The following SH3RF3 variants were observed in gnomAD, a reference collection of about 807,000 sequenced individuals.
SH3RF3 encodes SH3 domain containing ring finger 3.
Under a neutral mutation model 66.3 loss-of-function variants are expected in SH3RF3, and 29 were observed. The ratio of observed to expected loss-of-function variants is 0.44; its 90% CI spans 0.33 to 0.60. SH3RF3 has a LOEUF of 0.60. Ranked by LOEUF, SH3RF3 falls within the 20% of genes least tolerant of loss-of-function variation. The pLI, the probability that SH3RF3 is intolerant of heterozygous loss-of-function variation, is 0.04. For synonymous variants in SH3RF3, 583 were observed against 532.0 expected, an observed-to-expected ratio of 1.10 and a Z score of -1.32; for missense variants, 1,194 against 1,190.9, an observed-to-expected ratio of 1.00 and a Z score of -0.04.
chr2:109,373,341 A>C (rs1447982044), intron 3 of SH3RF3, among the ~76,000 whole-genome samples: 2 of 152,244 alleles, frequency 1.3e-5, no homozygotes, highest in Non-Finnish European at 2.9e-5. Flanking sequence ...TTACTGGGAT[A>C]CCCAACATAT....
At chr2:109,297,437 T>G (rs1448294791) in intron 1 of SH3RF3, among the ~76,000 whole-genome samples, 4 of 152,076 alleles carry the variant, frequency 2.6e-5, no homozygotes, top group Admixed American at 2.0e-4. Flanking sequence ...GTACCCACCC[T>G]GGGCATACCT....
intron 2 of SH3RF3, among the ~76,000 whole-genome samples, chr2:109,369,957 G>T (rs1039733685): frequency 6.6e-6 from 1 of 152,200 alleles, no homozygotes; most frequent in Non-Finnish European, 1.5e-5. Flanking sequence ...CAGCTCTGAG[G>T]GGCTTCTCCA....
At chr2:109,197,217 A>C (rs2105047189) in intron 1 of SH3RF3, among the ~76,000 whole-genome samples, 1 of 152,278 alleles carries the variant, frequency 6.6e-6, no homozygotes, top group Admixed American at 6.5e-5. Flanking sequence ...AACTCACTGC[A>C]GAATCTCAGG....
intron 1 of SH3RF3, among the ~76,000 whole-genome samples, chr2:109,326,112 C>T (rs1053794739): frequency 3.3e-5 from 5 of 152,366 alleles, no homozygotes; most frequent in Non-Finnish European, 5.9e-5. Context: ...TTTAAGGACA[C>T]ACACGTATGT....
At chr2:109,202,554 C>A (rs1386436958) in intron 1 of SH3RF3, among the ~76,000 whole-genome samples, 1 of 152,220 alleles carries the variant, frequency 6.6e-6, no homozygotes, top group Non-Finnish European at 1.5e-5. Context: ...CCTTCCCCTC[C>A]CAGCAGTCAG....
At chr2:109,364,279 C>T (rs946471416) in intron 2 of SH3RF3, among the ~76,000 whole-genome samples, 24 of 151,924 alleles carry the variant, frequency 1.6e-4, no homozygotes, top group Non-Finnish European at 3.4e-4. Context: ...ATAAGCACGT[C>T]GAAGGCATTC....
intron 2 of SH3RF3, among the ~76,000 whole-genome samples, chr2:109,356,617 A>G (rs549140916): frequency 2.0e-5 from 3 of 152,254 alleles, no homozygotes; most frequent in East Asian, 3.9e-4. Flanking sequence ...AGGGCTTGGC[A>G]CTTAGGAGAT....
chr2:109,273,253 A>G (rs942715645), intron 1 of SH3RF3, among the ~76,000 whole-genome samples: 2 of 152,224 alleles, frequency 1.3e-5, no homozygotes, highest in Non-Finnish European at 2.9e-5. Context: ...CCAGGCTGGG[A>G]AGGCACATGT....
At chr2:109,227,220 G>C (rs1679392775) in intron 1 of SH3RF3, among the ~76,000 whole-genome samples, 1 of 152,156 alleles carries the variant, frequency 6.6e-6, no homozygotes, top group Non-Finnish European at 1.5e-5. Flanking sequence ...TCCCACCCAG[G>C]CCTCAGGGGC....
At chr2:109,401,556 T>C (rs1053815658) in intron 4 of SH3RF3, among the ~76,000 whole-genome samples, 4 of 152,188 alleles carry the variant, frequency 2.6e-5, no homozygotes, top group African/African-American at 9.7e-5. Flanking sequence ...GTGAGTAATA[T>C]GTCCAAAGCT....
intron 1 of SH3RF3, among the ~76,000 whole-genome samples, chr2:109,198,730 C>T (rs1195889957): frequency 6.6e-6 from 1 of 152,072 alleles, no homozygotes; most frequent in African/African-American, 2.4e-5. Context: ...AAGGTTCCAC[C>T]CTCATGACCT....
At chr2:109,498,281 C>A (rs28603341) in intron 9 of SH3RF3, among the ~76,000 whole-genome samples, 2 of 152,006 alleles carry the variant, frequency 1.3e-5, no homozygotes, top group Admixed American at 6.5e-5. Context: ...TTCGGGACTG[C>A]GACCCAGAAC....
intron 1 of SH3RF3, among the ~76,000 whole-genome samples, chr2:109,255,202 A>G (rs1680193211): frequency 6.6e-6 from 1 of 152,084 alleles, no homozygotes; most frequent in Admixed American, 6.6e-5. Flanking sequence ...TTTCCTAATC[A>G]ATTTAGGCAA....
intron 2 of SH3RF3, among the ~76,000 whole-genome samples, chr2:109,359,001 G>A (rs1377392110): frequency 6.6e-6 from 1 of 152,176 alleles, no homozygotes; most frequent in Non-Finnish European, 1.5e-5. Flanking sequence ...GCATGTGGAT[G>A]TCTAGTTTTC....
intron 1 of SH3RF3, among the ~76,000 whole-genome samples, chr2:109,199,293 G>A (rs1373480036): frequency 6.5e-4 from 1 of 1,540 alleles, no homozygotes; most frequent in African/African-American, 0.011. Context: ...CTGCACTCCA[G>A]CCTGGGTGAC....
At chr2:109,382,353 G>GTGGGGCTGACTCAGCC (rs6146877) in intron 3 of SH3RF3, among the ~76,000 whole-genome samples, 4 of 152,226 alleles carry the variant, frequency 2.6e-5, no homozygotes, top group Non-Finnish European at 5.9e-5. Flanking sequence ...GTCTGCTGCA[G>GTGGGGCTGACTCAGCC]TGGGGCTGAC....
In SH3RF3 at chr2:109,398,622, G is replaced by T; in HGVS notation, c.978G>T (p.Met326Ile). 1 of 1,588,848 alleles carries T rather than the reference G, an allele frequency of 6.3e-7. No individual in the cohort carries two copies. Among genetic ancestry groups the T allele is most frequent in the Admixed American group, 1.8e-5 (1 of 56,972 alleles). ...ACTCCGCCAAGCAGCTCATTGAGAT[G>T]GACAAGCCATGCCCAGCCGCTGCAT... The part of the protein sequence containing the change: ...LNDSAKQLIE[M>I]DKPCPAAASS... Residue 326 changes from methionine to isoleucine, a missense_variant, in exon 4 of 10, where the codon ATG (methionine) becomes ATT (isoleucine). By Grantham distance (10) the Met-to-Ile change is conservative. Coordinates refer to ENST00000309415, the MANE Select transcript of SH3RF3 (RefSeq NM_001099289.3).
At chr2:109,468,125 G>A (rs549274906) in intron 8 of SH3RF3, among the ~76,000 whole-genome samples, 118 of 152,330 alleles carry the variant, frequency 7.7e-4, no homozygotes, top group African/African-American at 2.7e-3. Flanking sequence ...TGAAAAACGC[G>A]TCGTTTGGTG....
At chr2:109,302,121 G>A (rs1476782694) in intron 1 of SH3RF3, among the ~76,000 whole-genome samples, 3 of 152,230 alleles carry the variant, frequency 2.0e-5, no homozygotes, top group Admixed American at 2.0e-4. Context: ...AGAATGGAGA[G>A]GCTGGTCATT....
Sources: gnomAD v4.1 joint callset for allele counts (sites outside exome capture counted in the v4.1 genomes callset) on GRCh38, gnomAD v4.1.1 for gene constraint, MANE v1.5 for transcripts, NCBI Gene and HGNC (gene_info 2026-07-23, HGNC 2026-07-21) for gene names.